The following VAV2 variants were observed in gnomAD, a reference collection of about 807,000 sequenced individuals.
VAV2 encodes the protein vav guanine nucleotide exchange factor 2, also known as guanine nucleotide exchange factor VAV2.
VAV2 carries 67 observed loss-of-function variants against 132.5 expected under a neutral mutation model. The ratio of observed to expected loss-of-function variants is 0.51; its 90% CI spans 0.42 to 0.62. The LOEUF (loss-of-function observed/expected upper bound fraction) is 0.62, where lower values mean the gene tolerates loss of function less well. Among genes scored for constraint, VAV2 ranks in the 20% least tolerant of loss-of-function variants. The probability of loss-of-function intolerance (pLI) is 0.00; values close to 1 mark genes in which losing one functional copy is unlikely to be tolerated. For synonymous variants in VAV2, 492 were observed against 443.5 expected (o/e 1.11, Z -1.37); for missense variants, 938 against 1,153.6 (o/e 0.81, Z 2.71).
chr9:133,850,655 A>G (rs990484034), intron 3 of VAV2, among the ~76,000 whole-genome samples: 1 of 152,188 alleles, frequency 6.6e-6, no homozygotes, highest in African/African-American at 2.4e-5. Context: ...TAGGAGCTGA[A>G]CACAGCCTCT....
At chr9:133,814,385 C>T (rs1318139373) in intron 4 of VAV2, among the ~76,000 whole-genome samples, 1 of 152,228 alleles carries the variant, frequency 6.6e-6, no homozygotes, top group East Asian at 1.9e-4. Flanking sequence ...AGCCACCCCA[C>T]GTTTCCGTCA....
intron 2 of VAV2, among the ~76,000 whole-genome samples, chr9:133,904,958 G>C (rs1356430448): frequency 6.6e-6 from 1 of 152,258 alleles, no homozygotes; most frequent in Non-Finnish European, 1.5e-5. Context: ...CTGGCAGGGA[G>C]GGGATGCAGG....
intron 2 of VAV2, among the ~76,000 whole-genome samples, chr9:133,893,895 G>C: frequency 6.6e-6 from 1 of 152,164 alleles, no homozygotes; most frequent in East Asian, 1.9e-4. Flanking sequence ...ACAGTTGAAT[G>C]CTTTACTGGA....
At chr9:133,809,962 C>T (rs571660147) in intron 6 of VAV2, among the ~76,000 whole-genome samples, 12 of 152,282 alleles carry the variant, frequency 7.9e-5, no homozygotes, top group Admixed American at 2.6e-4. Context: ...CCCAAGGGTC[C>T]GCTTGGGTCT....
intron 1 of VAV2, among the ~76,000 whole-genome samples, chr9:133,959,919 C>T (rs994833934): frequency 3.3e-5 from 5 of 152,030 alleles, no homozygotes; most frequent in African/African-American, 9.6e-5. Flanking sequence ...CCTGAGAATT[C>T]GGACCTCTGG....
chr9:133,834,613 C>T lies in VAV2; in HGVS notation c.381-273G>A, dbSNP rs959924418. On this transcript the variant is annotated intron_variant, in intron 3 of 29. Coordinates refer to ENST00000371850, the MANE Select transcript of VAV2 (RefSeq NM_001134398.2). The surrounding 1 kb of genome is among the most constrained non-coding windows in gnomAD (Gnocchi z 5.9). ...GGGCTCCGGGTGTCCAGTGGGAAGACGAGAGGCCCAGGTCAGGGCTGCAGA... is the reference window on the plus strand; with the variant it reads ...GGGCTCCGGGTGTCCAGTGGGAAGATGAGAGGCCCAGGTCAGGGCTGCAGA... 3.9e-5 allele frequency among the ~76,000 whole-genome samples: 6 copies of T among 152,224 alleles called. No individual in the cohort carries two copies. Among genetic ancestry groups the T allele is most frequent in the Non-Finnish European group, 8.8e-5 (6 of 68,036 alleles).
At chr9:133,929,102 C>T (rs553516100) in intron 2 of VAV2, among the ~76,000 whole-genome samples, 138 of 152,316 alleles carry the variant, frequency 9.1e-4, no homozygotes, top group African/African-American at 3.1e-3. Flanking sequence ...GGGGAAATGA[C>T]AGCTGCGAGA....
chr9:133,822,484 TAGAC>T (rs879921652), intron 4 of VAV2, among the ~76,000 whole-genome samples: 141 of 152,228 alleles, frequency 9.3e-4, no homozygotes, highest in Middle Eastern at 3.4e-3. Context: ...GACGGAGAGA[TAGAC>T]AGACAGACAG....
rs1444808562 is a variant in VAV2, at chr9:133,928,538, T to A, written c.321+10565A>T. 6.6e-6 allele frequency among the ~76,000 whole-genome samples: 1 copy of A among 152,168 alleles called. No homozygotes were observed. Among genetic ancestry groups the A allele is most frequent in the Non-Finnish European group, 1.5e-5 (1 of 68,034 alleles). On this transcript the variant is annotated intron_variant, in intron 2 of 29. Coordinates refer to ENST00000371850, the MANE Select transcript of VAV2 (RefSeq NM_001134398.2). The surrounding 1 kb of genome is among the most constrained non-coding windows in gnomAD (Gnocchi z 5.4). ...AAATGAACTCACCGCAGCATTAGCA[T>A]CTCAGAGTCATCAGACCGACTGGCA...
At chr9:133,808,296 G>T (rs975430008) in intron 7 of VAV2, among the ~76,000 whole-genome samples, 1 of 152,236 alleles carries the variant, frequency 6.6e-6, no homozygotes, top group African/African-American at 2.4e-5. Flanking sequence ...GAGGGGGCCC[G>T]GCCGGAGCAA....
chr9:133,820,329 CTT>C (rs1235525920), intron 4 of VAV2, among the ~76,000 whole-genome samples: 8 of 131,410 alleles, frequency 6.1e-5, no homozygotes, highest in African/African-American at 1.7e-4. Context: ...TTTTCTTTTT[CTT>C]TTTTTTTTTT....
At chr9:133,841,145 G>A (rs1348438849) in intron 3 of VAV2, among the ~76,000 whole-genome samples, 1 of 152,126 alleles carries the variant, frequency 6.6e-6, no homozygotes, top group Non-Finnish European at 1.5e-5. Flanking sequence ...AGCCCGGACA[G>A]CTCACGCCTT....
intron 22 of VAV2, among the ~76,000 whole-genome samples, chr9:133,778,468 C>A (rs1166567260): frequency 6.6e-6 from 1 of 152,176 alleles, no homozygotes; most frequent in Non-Finnish European, 1.5e-5. Context: ...TGGAGAAAGG[C>A]CTTGGGTGCC....
chr9:133,776,569 C>T (rs1363984882), intron 23 of VAV2, among the ~76,000 whole-genome samples: 3 of 152,180 alleles, frequency 2.0e-5, no homozygotes, highest in African/African-American at 7.2e-5. Context: ...CAGAGACTAC[C>T]TCTTCCCTCG....
At position 133,769,330 on chromosome 9, in the gene VAV2, T is replaced by C. The variant is rs1162094794; in HGVS notation, c.2434+87A>G. 5.0e-6 allele frequency: 7 copies of C among 1,388,094 alleles called. No individual in the cohort carries two copies. The highest frequency in any genetic ancestry group is 6.9e-6 in the Non-Finnish European group (7 of 1,018,566). 86.0% of individuals were successfully genotyped at this position (1,388,094 alleles called of 1,614,324 possible). A position where few individuals can be genotyped will look rare whatever the true frequency, so the allele number is the denominator to read the frequency against. On this transcript the variant is annotated intron_variant, in intron 28 of 29. Transcript: ENST00000371850. This position sits in a 1 kb window ranked among gnomAD's most constrained non-coding sequence, Gnocchi z 8.1. ...CAACTGTGGCCACGTCAGGCAGGGCTGTGGGGCCAGTGGGCAGCTCCGTGC... is the reference window on the plus strand; with the variant it reads ...CAACTGTGGCCACGTCAGGCAGGGCCGTGGGGCCAGTGGGCAGCTCCGTGC...
At chr9:133,807,559 C>G (rs928397163) in intron 7 of VAV2, among the ~76,000 whole-genome samples, 13 of 152,166 alleles carry the variant, frequency 8.5e-5, no homozygotes, top group Non-Finnish European at 1.8e-4. Context: ...GGGGCAGAGT[C>G]CTGTGGTGGC....
intron 2 of VAV2, among the ~76,000 whole-genome samples, chr9:133,908,035 A>C (rs1162120458): frequency 2.6e-5 from 2 of 77,998 alleles, no homozygotes; most frequent in Non-Finnish European, 4.7e-5. Flanking sequence ...GGAGGGTCTG[A>C]AGGCGCCCCT....
intron 8 of VAV2, among the ~76,000 whole-genome samples, chr9:133,806,508 C>T (rs1375846567): frequency 6.6e-6 from 1 of 151,590 alleles, no homozygotes; most frequent in South Asian, 2.1e-4. Flanking sequence ...GCTCAGGCCA[C>T]ACCCCGGGAC....
Position 133,863,128 on chromosome 9 carries a change from T to C in VAV2, c.322-1696A>G, listed in dbSNP as rs917816611. Among the ~76,000 whole-genome samples the C allele has an allele frequency of 6.6e-6, 1 of 152,218 alleles. No individual in the cohort carries two copies. The highest frequency in any genetic ancestry group is 1.9e-4 in the East Asian group (1 of 5,186). ...TTGGCTCTGGAGTGTTTTTGGCTTT[T>C]AAGAGCTCTAAGCATTTAGGGAAAA... On this transcript the variant is annotated intron_variant, in intron 2 of 29. Transcript: ENST00000371850. The surrounding 1 kb of genome is among the most constrained non-coding windows in gnomAD (Gnocchi z 5.0).
Sources: allele counts gnomAD v4.1 joint callset (sites outside exome capture counted in the v4.1 genomes callset), GRCh38; gene constraint gnomAD v4.1.1; non-coding constraint Gnocchi (gnomAD v3.1); transcripts MANE v1.5; gene names NCBI Gene and HGNC (gene_info 2026-07-23, HGNC 2026-07-21).